The following SHPRH variants were observed in gnomAD, a reference collection of about 807,000 sequenced individuals.
The protein encoded by SHPRH is SNF2 histone linker PHD RING helicase.
A neutral mutation model predicts 202.5 loss-of-function variants in SHPRH; 106 were observed. That is an observed-to-expected ratio of 0.52 (90% CI 0.45 to 0.62). The LOEUF (loss-of-function observed/expected upper bound fraction) is 0.62. Ranked by LOEUF, SHPRH falls within the 20% of genes least tolerant of loss-of-function variation. The probability of loss-of-function intolerance (pLI) is 0.00; values close to 1 mark genes in which losing one functional copy is unlikely to be tolerated. For missense variants in SHPRH, 1,710 were observed against 2,020.0 expected (o/e 0.85, Z 2.94); for synonymous variants, 729 against 686.0 (o/e 1.06, Z -0.98).
chr6:145,951,373 A>C (rs1787961052), intron 3 of SHPRH, among the ~76,000 whole-genome samples: 1 of 152,082 alleles, frequency 6.6e-6, no homozygotes, highest in African/African-American at 2.4e-5. Context: ...ACACCAAAAA[A>C]TTCACAACTT....
chr6:145,896,279 A>G lies in SHPRH; in HGVS notation c.4516-1302T>C, dbSNP rs910711160. ...AAGAACCTATTTCAGTCTAATAATT[A>G]TCTCAAACAAGAGCGAAGAGAAAAT... On this transcript the variant is annotated intron_variant, in intron 25 of 29. Transcript: ENST00000275233. Among the ~76,000 whole-genome samples, 5 of 152,090 alleles carry G rather than the reference A, an allele frequency of 3.3e-5. No homozygotes were observed. The South Asian group carries it at 6.2e-4, about 19-fold the overall frequency.
intron 26 of SHPRH, 34 bp downstream of exon 26, chr6:145,894,851 G>A (rs774006685): frequency 1.7e-5 from 27 of 1,593,426 alleles, no homozygotes; most frequent in South Asian, 5.5e-5. Flanking sequence ...AAATCAGTTC[G>A]AATTAATATT....
chr6:145,921,721 CAG>C (rs1784448037), intron 20 of SHPRH, among the ~76,000 whole-genome samples: 2 of 151,716 alleles, frequency 1.3e-5, no homozygotes, highest in East Asian at 3.9e-4. Flanking sequence ...GATAAATAAA[CAG>C]AATTTGGACA....
At chr6:145,952,125 C>A (rs1278162947) in intron 3 of SHPRH, among the ~76,000 whole-genome samples, 2 of 152,046 alleles carry the variant, frequency 1.3e-5, no homozygotes, top group Non-Finnish European at 2.9e-5. Context: ...CATATTGACT[C>A]CGCAAATATT....
intron 14 of SHPRH, among the ~76,000 whole-genome samples, chr6:145,927,669 A>AC: frequency 6.6e-6 from 1 of 151,968 alleles, no homozygotes; most frequent in South Asian, 2.1e-4. Context: ...TTAAGGATAA[A>AC]CTTAAGGTAA....
chr6:145,947,501 G>A lies in SHPRH; in HGVS notation c.1204C>T (p.Leu402Phe). 2 of 1,612,640 alleles carry A rather than the reference G, an allele frequency of 1.2e-6. No homozygotes were observed. The highest frequency in any genetic ancestry group is 2.2e-5 in the South Asian group (2 of 91,010). ...CTACTATACCCTCCTACCTCGGGAA[G>A]AGTGAGAGCATCTTGCTTGACATCT... ...RQDVKQDALT[L>F]PEGKVVNYFI... The change falls in exon 6 of 30, where the codon CTT becomes TTT. Residue 402 changes from leucine to phenylalanine, a missense_variant. Leu to Phe is a conservative substitution (Grantham distance 22). Around this residue, in one of 8 missense-constraint regions of SHPRH, gnomAD observed 348 missense variants for 356.9 expected, o/e 0.97. Coordinates refer to ENST00000275233, the MANE Select transcript of SHPRH (RefSeq NM_001042683.3).
chr6:145,893,221 T>G lies in SHPRH; in HGVS notation c.4868A>C (p.Gln1623Pro). 2 of 1,521,330 alleles carry G rather than the reference T, an allele frequency of 1.3e-6. No homozygotes were observed. Among genetic ancestry groups the G allele is most frequent in the African/African-American group, 1.4e-5 (1 of 70,498 alleles). 94.2% of individuals were successfully genotyped at this position (1,521,330 alleles called of 1,614,324 possible). A position where few individuals can be genotyped will look rare whatever the true frequency, so the allele number is the denominator to read the frequency against. Reference sequence around the variant, plus strand: ...TTCTAATTTTAGTCCTTACTTTGTCTGTCCAATTCGGTGCACCCTCCCTAT... The same window carrying G: ...TTCTAATTTTAGTCCTTACTTTGTCGGTCCAATTCGGTGCACCCTCCCTAT... ...QAIGRVHRIG[Q>P]TKPTIVHRFL... is the part of the protein sequence containing the mutation. The change falls in exon 28 of 30, where the codon CAG (glutamine) becomes CCG (proline). Residue 1623 changes from glutamine (Q) to proline (P), a missense_variant. This residue lies in a region of SHPRH where 306 missense variants were observed against 479.5 expected (regional missense o/e 0.64). Transcript: ENST00000275233.
intron 2 of SHPRH, among the ~76,000 whole-genome samples, chr6:145,875,872 T>C (rs1780277845): frequency 6.6e-6 from 1 of 152,216 alleles, no homozygotes; most frequent in African/African-American, 2.4e-5. Flanking sequence ...TTCTTTACAA[T>C]GTGTGCTTCA....
chr6:145,876,119 C>T (rs1780289293), intron 2 of SHPRH, among the ~76,000 whole-genome samples: 1 of 152,212 alleles, frequency 6.6e-6, no homozygotes, highest in Non-Finnish European at 1.5e-5. Context: ...AGAACACTTT[C>T]ATTACTCCAT....
chr6:145,893,511 A>C, intron 27 of SHPRH, 118 bp from the exon 28 acceptor site: 1 of 940,940 alleles, frequency 1.1e-6, no homozygotes, highest in South Asian at 2.9e-5. Context: ...GGTAACAGCT[A>C]AGAAACTTAA....
In SHPRH at chr6:145,872,889, T is replaced by C. The variant is rs150834292; in HGVS notation, c.222-8398A>G. Among the ~76,000 whole-genome samples, 16 of 152,314 alleles carry C rather than the reference T, an allele frequency of 1.1e-4. No individual in the cohort carries two copies. In the East Asian group the frequency reaches 3.1e-3, roughly 29 times the overall value. Reference sequence around the variant, plus strand: ...TCAGGTCATGTGCTTCGCAGGGACATGGATGGAGCTGGAGGCCATCATCCT... The same window carrying C: ...TCAGGTCATGTGCTTCGCAGGGACACGGATGGAGCTGGAGGCCATCATCCT... On this transcript the variant is annotated intron_variant, in intron 2 of 2. Transcript: ENST00000417762.
chr6:145,939,983 A>G (rs1157797021), intron 11 of SHPRH, among the ~76,000 whole-genome samples: 1 of 152,176 alleles, frequency 6.6e-6, no homozygotes, highest in South Asian at 2.1e-4. Context: ...TAATTTAACT[A>G]CACTTTAATA....
intron 3 of SHPRH, chr6:145,951,676 A>G (rs1377964110): frequency 1.0e-5 from 4 of 391,742 alleles, no homozygotes; most frequent in African/African-American, 4.1e-5. Context: ...TACTGATATT[A>G]TAAAGCATTG....
At chr6:145,888,804 A>G (rs1331646240) in intron 28 of SHPRH, among the ~76,000 whole-genome samples, 1 of 152,190 alleles carries the variant, frequency 6.6e-6, no homozygotes, top group African/African-American at 2.4e-5. Context: ...GGGTGGATGC[A>G]CTATGGTTGT....
downstream of SHPRH, chr6:145,883,753 T>G (rs1209599467): frequency 4.6e-5 from 7 of 152,206 alleles, no homozygotes; most frequent in Admixed American, 1.3e-4. Flanking sequence ...TTGTAATGCA[T>G]TTTTTTGTTT....
rs1786690061 is a variant in SHPRH at position 145,940,817 on chromosome 6, A to G, written c.2491-16T>C. 1 of 1,612,826 alleles carries G rather than the reference A, an allele frequency of 6.2e-7. No homozygotes were observed. Among genetic ancestry groups the G allele is most frequent in the Non-Finnish European group, 8.5e-7 (1 of 1,179,524 alleles). On this transcript the variant is annotated splice_polypyrimidine_tract_variant and intron_variant, in intron 10 of 29. Transcript: ENST00000275233. ...TTTCTGCAGCCTGATGAGAGGGAAA[A>G]ATGAAATAAAAATGAAATCCAGAAA...
At chr6:145,889,595 T>C (rs149079399) in intron 28 of SHPRH, among the ~76,000 whole-genome samples, 1 of 152,260 alleles carries the variant, frequency 6.6e-6, no homozygotes, top group African/African-American at 2.4e-5. Context: ...AAATATTATA[T>C]AAAATCACCT....
intron 21 of SHPRH, among the ~76,000 whole-genome samples, chr6:145,919,722 G>A (rs979497340): frequency 5.3e-5 from 8 of 152,016 alleles, no homozygotes; most frequent in African/African-American, 1.9e-4. Flanking sequence ...AAGATTTCTT[G>A]CTAAGACCAA....
intron 9 of SHPRH, among the ~76,000 whole-genome samples, chr6:145,942,737 A>T (rs1343725777): frequency 6.6e-6 from 1 of 152,194 alleles, no homozygotes; most frequent in Non-Finnish European, 1.5e-5. Flanking sequence ...CTTATTTTAC[A>T]GCTGAGGTAA....
Sources: allele counts gnomAD v4.1 joint callset (sites outside exome capture counted in the v4.1 genomes callset), GRCh38; gene constraint gnomAD v4.1.1; regional missense constraint gnomAD v4.1.1; transcripts MANE v1.5; gene names NCBI Gene and HGNC (gene_info 2026-07-23, HGNC 2026-07-21).